The following C8orf82 variants were observed in gnomAD, a reference collection of about 807,000 sequenced individuals.
C8orf82 encodes the protein UPF0598 protein C8orf82.
Under a neutral mutation model 15.0 loss-of-function variants are expected in C8orf82, and 24 were observed. The ratio of observed to expected loss-of-function variants is 1.60; its 90% CI spans 1.16 to 2.24. The LOEUF is 2.24. Ranked by LOEUF, C8orf82 falls within the 30% of genes most tolerant of loss-of-function variation. The pLI is 0.00. For missense variants in C8orf82, 388 were observed against 317.4 expected, an observed-to-expected ratio of 1.22 and a Z score of -1.69; for synonymous variants, 205 against 152.2, an observed-to-expected ratio of 1.35 and a Z score of -2.55.
Position 144,528,650 on chromosome 8 carries a change from G to A in C8orf82, c.156+111C>T, listed in dbSNP as rs1327085431. On this transcript the variant is annotated intron_variant, in intron 1 of 2. Coordinates refer to ENST00000524821, the MANE Select transcript of C8orf82 (RefSeq NM_001001795.2). The stretch of plus-strand genomic sequence containing the variant: ...ACCCACCCCCTGGAACGTCCCTCCG[G>A]CCCCGCCCCTCGAGCAATGGTCCCG... The A allele has an allele frequency of 2.2e-3, 905 of 415,830 alleles. 3 individuals are homozygous for A. Among genetic ancestry groups the A allele is most frequent in the Admixed American group, 8.0e-3 (45 of 5,650 alleles). The allele number at this position is 415,830 out of a possible 1,614,324, so 25.8% of individuals were successfully genotyped here.
Position 144,526,524 on chromosome 8 carries a change from G to A in C8orf82, c.*818C>T, listed in dbSNP as rs987214260. On this transcript the variant is annotated 3_prime_UTR_variant, in exon 3 of 3. Transcript: ENST00000524821. ...GCCAGGGCAGGGATGAGGGCCCCAA[G>A]CTGGAAGCAGCCCAGAAATCCTTTT... The A allele has an allele frequency of 3.3e-5, 5 of 152,294 alleles. No individual in the cohort carries two copies. The highest frequency in any genetic ancestry group is 1.2e-4 in the African/African-American group (5 of 41,462). The allele number at this position is 152,294 out of a possible 1,614,324, so 9.4% of individuals were successfully genotyped here.
chr8:144,528,616 C>T (rs1816481894), intron 1 of C8orf82, 145 bp downstream of exon 1: 5 of 296,418 alleles, frequency 1.7e-5, no homozygotes, highest in Admixed American at 5.9e-5. Flanking sequence ...GCGCAGGCCC[C>T]GCCCACCCAC....
chr8:144,528,707 C>CCCCCCA, intron 1 of C8orf82, 54 bp downstream of exon 1: 2 of 742,322 alleles, frequency 2.7e-6, no homozygotes, highest in Non-Finnish European at 3.6e-6. Context: ...CCCCGCCCCG[C>CCCCCCA]CCAGAGACCT....
rs1816403346 is a variant in C8orf82 at position 144,527,322 on chromosome 8, C to T, written c.*20G>A. On this transcript the variant is annotated 3_prime_UTR_variant, in exon 3 of 3. Coordinates refer to ENST00000524821, the MANE Select transcript of C8orf82 (RefSeq NM_001001795.2). ...GGGGCGAGAGGCGCCCGCGGCCTCC[C>T]GCCTTTCCCTTGGCCCCGCTCAGGG... 2 of 1,163,292 alleles carry T rather than the reference C, an allele frequency of 1.7e-6. No homozygotes were observed. Among genetic ancestry groups the T allele is most frequent in the South Asian group, 3.7e-5 (1 of 26,684 alleles). The allele number at this position is 1,163,292 out of a possible 1,614,324, so 72.1% of individuals were successfully genotyped here. A position where few individuals can be genotyped will look rare whatever the true frequency, so the allele number is the denominator to read the frequency against.
chr8:144,527,249 C>A lies in C8orf82; in HGVS notation c.*93G>T. 5 of 919,356 alleles carry A rather than the reference C, an allele frequency of 5.4e-6. No homozygotes were observed. The highest frequency in any genetic ancestry group is 6.8e-6 in the Non-Finnish European group (5 of 730,862). The allele number at this position is 919,356 out of a possible 1,614,324, so 56.9% of individuals were successfully genotyped here. A position where few individuals can be genotyped will look rare whatever the true frequency, so the allele number is the denominator to read the frequency against. Reference sequence around the variant, plus strand: ...AGCGCGCAGGCGCACTAGGCTGCCGCGAGCGCGGGTGGCGCGGGCTTTCCG... The same window carrying A: ...AGCGCGCAGGCGCACTAGGCTGCCGAGAGCGCGGGTGGCGCGGGCTTTCCG... On this transcript the variant is annotated 3_prime_UTR_variant, in exon 3 of 3. Coordinates refer to ENST00000524821, the MANE Select transcript of C8orf82 (RefSeq NM_001001795.2).
chr8:144,527,859 G>A (rs1301158146), intron 2 of C8orf82, 72 bp from the exon 3 acceptor site: 5 of 1,554,072 alleles, frequency 3.2e-6, no homozygotes, highest in African/African-American at 1.4e-5. Flanking sequence ...CCATACCGAG[G>A]GCAGGCGCCG....
At chr8:144,528,730 C>T in intron 1 of C8orf82, 31 bp downstream of exon 1, 2 of 1,280,198 alleles carry the variant, frequency 1.6e-6, no homozygotes, top group Non-Finnish European at 2.0e-6. Context: ...CCCGGCCCCG[C>T]CTCTCGAGCA....
Position 144,528,767 on chromosome 8 carries a change from CTGG to C in C8orf82, c.147_149del (p.His49del), listed in dbSNP as rs1458472857. ...CGGCCCTGCCCCCGCCCACCTGGCC[CTGG>C]TGGTCCACGTAGTAGAAATACTCGC... On this transcript the variant is annotated inframe_deletion, in exon 1 of 3. Coordinates refer to ENST00000524821, the MANE Select transcript of C8orf82 (RefSeq NM_001001795.2). The C allele has an allele frequency of 7.1e-7, 1 of 1,413,376 alleles. No individual in the cohort carries two copies. Among genetic ancestry groups the C allele is most frequent in the Non-Finnish European group, 9.3e-7 (1 of 1,080,386 alleles). 87.6% of individuals were successfully genotyped at this position (1,413,376 alleles called of 1,614,324 possible).
chr8:144,527,383 T>C lies in C8orf82; in HGVS notation c.610A>G (p.Met204Val), dbSNP rs1816407372. ...RWQGRRLALT[M>V]DLAPLLLAAR... ...GCGAGCAGCAGCGGGGCCAGGTCCA[T>C]GGTGAGGGCGAGGCGGCGGCCCTGC... The change falls in exon 3 of 3, where the codon ATG becomes GTG. Residue 204 changes from methionine to valine, a missense_variant. Transcript: ENST00000524821. 2 of 1,238,710 alleles carry C rather than the reference T, an allele frequency of 1.6e-6. No homozygotes were observed. Among genetic ancestry groups the C allele is most frequent in the Non-Finnish European group, 2.0e-6 (2 of 985,606 alleles). 76.7% of individuals were successfully genotyped at this position (1,238,710 alleles called of 1,614,324 possible).
Position 144,528,038 on chromosome 8 carries a change from A to G in C8orf82, c.191T>C (p.Ile64Thr), listed in dbSNP as rs201485546. ...CACAGCATTACCTTTGAAGCAGGTG[A>G]TGAAATTCTTCATTTTGGAATCATC... ...FLDDSKMKNF[I>T]TCFKDPQFLV... Residue 64 changes from isoleucine (I) to threonine (T), a missense_variant, in exon 2 of 3, where the codon ATC becomes ACC. Coordinates refer to ENST00000524821, the MANE Select transcript of C8orf82 (RefSeq NM_001001795.2). 3 of 1,612,804 alleles carry G rather than the reference A, an allele frequency of 1.9e-6. No individual in the cohort carries two copies. The African/African-American group carries it at 4.0e-5, about 21-fold the overall frequency.
At position 144,528,969 on chromosome 8, in the gene C8orf82, C is replaced by T. The variant is rs1224361722; in HGVS notation, c.-53G>A. The T allele has an allele frequency of 6.9e-7, 1 of 1,453,328 alleles. No individual in the cohort carries two copies. Among genetic ancestry groups the T allele is most frequent in the Non-Finnish European group, 9.0e-7 (1 of 1,107,458 alleles). 90.0% of individuals were successfully genotyped at this position (1,453,328 alleles called of 1,614,324 possible). A position where few individuals can be genotyped will look rare whatever the true frequency, so the allele number is the denominator to read the frequency against. On this transcript the variant is annotated 5_prime_UTR_variant, in exon 1 of 3. Transcript: ENST00000524821. ...AGGTCACGCCGGGGGCGGTGCTGCG[C>T]GAACTCGCGCCTGCCCGCAGTAGCC...
Position 144,528,741 on chromosome 8 carries a change from A to G in C8orf82, c.156+20T>C. On this transcript the variant is annotated intron_variant, in intron 1 of 2. Coordinates refer to ENST00000524821, the MANE Select transcript of C8orf82 (RefSeq NM_001001795.2). The stretch of plus-strand genomic sequence containing the variant: ...CTCTCCCGGCCCCGCCTCTCGAGCA[A>G]CGGCCCTGCCCCCGCCCACCTGGCC... The G allele has an allele frequency of 9.5e-7, 1 of 1,056,080 alleles. No individual in the cohort carries two copies. The highest frequency in any genetic ancestry group is 1.8e-5 in the African/African-American group (1 of 55,664). 65.4% of individuals were successfully genotyped at this position (1,056,080 alleles called of 1,614,324 possible).
chr8:144,528,599 G>A, intron 1 of C8orf82, 162 bp downstream of exon 1: 1 of 1,085,282 alleles, frequency 9.2e-7, no homozygotes. Context: ...AGTCGAGGTT[G>A]CCCACCGCGC....
Position 144,527,476 on chromosome 8 carries a change from C to T in C8orf82, c.517G>A (p.Ala173Thr). The T allele has an allele frequency of 8.0e-7, 1 of 1,253,974 alleles. No individual in the cohort carries two copies. Among genetic ancestry groups the T allele is most frequent in the Non-Finnish European group, 1.0e-6 (1 of 998,538 alleles). The allele number at this position is 1,253,974 out of a possible 1,614,324, so 77.7% of individuals were successfully genotyped here. A position where few individuals can be genotyped will look rare whatever the true frequency, so the allele number is the denominator to read the frequency against. Residue 173 changes from alanine (A) to threonine (T), a missense_variant, in exon 3 of 3, where the codon GCC becomes ACC. By Grantham distance (58) the Ala-to-Thr change is moderately conservative. Coordinates refer to ENST00000524821, the MANE Select transcript of C8orf82 (RefSeq NM_001001795.2). Reference protein sequence around the residue: ...GGVGLVRSALAFELSACFEYG... With the variant: ...GGVGLVRSALTFELSACFEYG... ...TCGAAGCAGGCGCTGAGCTCGAAGGCCAGGGCGGAGCGCACCAGGCCCACG... is the reference window on the plus strand; with the variant it reads ...TCGAAGCAGGCGCTGAGCTCGAAGGTCAGGGCGGAGCGCACCAGGCCCACG...
At position 144,528,588 on chromosome 8, in the gene C8orf82, G is replaced by T. The variant is rs1054624591; in HGVS notation, c.156+173C>A. 21 of 1,196,566 alleles carry T rather than the reference G, an allele frequency of 1.8e-5. 1 individual carries two copies. In the South Asian group the frequency reaches 2.3e-4, roughly 13 times the overall value. 74.1% of individuals were successfully genotyped at this position (1,196,566 alleles called of 1,614,324 possible). A position where few individuals can be genotyped will look rare whatever the true frequency, so the allele number is the denominator to read the frequency against. On this transcript the variant is annotated intron_variant, in intron 1 of 2. Transcript: ENST00000524821. ...CAGCGCGCTCTCCTCCAGCTCTGAG[G>T]AGTCGAGGTTGCCCACCGCGCAGGC...
Position 144,527,777 on chromosome 8 carries a change from G to T in C8orf82, c.216C>A (p.Phe72Leu), listed in dbSNP as rs145659815. ...TCAGGCGGGAGAAGAAGGTGACCAG[G>T]AACTGCGGGTCTGGGGGATGAAGGG... ...NFITCFKDPQ[F>L]LVTFFSRLRP... The change falls in exon 3 of 3, where the codon TTC (phenylalanine) becomes TTA (leucine). Residue 72 changes from phenylalanine to leucine, a missense_variant. Coordinates refer to ENST00000524821, the MANE Select transcript of C8orf82 (RefSeq NM_001001795.2). The T allele has an allele frequency of 3.1e-4, 489 of 1,594,302 alleles. No individual in the cohort carries two copies. The highest frequency in any genetic ancestry group is 4.0e-4 in the Non-Finnish European group (476 of 1,177,476).
At position 144,527,805 on chromosome 8, in the gene C8orf82, C is replaced by T. The variant is rs748605285; in HGVS notation, c.206-18G>A. 1.1e-5 allele frequency: 17 copies of T among 1,592,632 alleles called. No homozygotes were observed. Among genetic ancestry groups the T allele is most frequent in the Non-Finnish European group, 1.4e-5 (17 of 1,176,662 alleles). ...CTGCGGGTCTGGGGGATGAAGGGTG[C>T]GTGTACTCAGCGCGCTGGGCTCCCA... On this transcript the variant is annotated intron_variant, in intron 2 of 2. Coordinates refer to ENST00000524821, the MANE Select transcript of C8orf82 (RefSeq NM_001001795.2).
At position 144,528,903 on chromosome 8, in the gene C8orf82, C is replaced by G; in HGVS notation, c.14G>C (p.Cys5Ser). The G allele has an allele frequency of 6.6e-7, 1 of 1,510,494 alleles. No homozygotes were observed. The highest frequency in any genetic ancestry group is 8.8e-7 in the Non-Finnish European group (1 of 1,131,716). 93.6% of individuals were successfully genotyped at this position (1,510,494 alleles called of 1,614,324 possible). The change falls in exon 1 of 3, where the codon TGC (cysteine) becomes TCC (serine). Residue 5 changes from cysteine to serine, a missense_variant. Physicochemically the swap from Cys to Ser is moderately radical, Grantham distance 112. Transcript: ENST00000524821. ...CAAGGCCAGGGTCCGGAGCGTCCCG[C>G]AAGGCGGCCACATTCTCCTCCCGCG... MWPP[C>S]GTLRTLALAR...
chr8:144,527,999 G>A (rs376216866), intron 2 of C8orf82, 25 bp downstream of exon 2: 55 of 1,610,384 alleles, frequency 3.4e-5, no homozygotes, highest in Non-Finnish European at 4.2e-5. Flanking sequence ...GAAAGAAGGG[G>A]CTGGAGAGGG....
Sources: gnomAD v4.1 joint callset for allele counts on GRCh38, gnomAD v4.1.1 for gene constraint, MANE v1.5 for transcripts, NCBI Gene and HGNC (gene_info 2026-07-23, HGNC 2026-07-21) for gene names.